The following TMEM117 variants were observed in gnomAD, a reference collection of about 807,000 sequenced individuals.
TMEM117 encodes the protein transmembrane protein 117.
A neutral mutation model predicts 52.4 loss-of-function variants in TMEM117; 27 were observed. That is an observed-to-expected ratio of 0.51 (90% CI 0.38 to 0.71). The LOEUF (loss-of-function observed/expected upper bound fraction) is 0.71, where lower values mean the gene tolerates loss of function less well. Ranked by LOEUF, TMEM117 falls within the 30% of genes least tolerant of loss-of-function variation. The pLI is 0.00. For missense variants in TMEM117, 556 were observed against 630.5 expected (o/e 0.88, Z 1.26); for synonymous variants, 215 against 206.3 (o/e 1.04, Z -0.36).
chr12:44,002,050 A>G (rs972273943), intron 3 of TMEM117, among the ~76,000 whole-genome samples: 16 of 152,102 alleles, frequency 1.1e-4, no homozygotes, highest in African/African-American at 3.4e-4. Context: ...TAAAGAATTC[A>G]GGAGTGAAAC....
At chr12:44,215,451 GC>G (rs1949703026) in intron 5 of TMEM117, among the ~76,000 whole-genome samples, 1 of 151,848 alleles carries the variant, frequency 6.6e-6, no homozygotes. Flanking sequence ...CTCTTCCAAA[GC>G]CCTTTCCGTA....
At chr12:44,396,878 AAG>A in the TMEM117 span, among the ~76,000 whole-genome samples, 1 of 151,846 alleles carries the variant, frequency 6.6e-6, no homozygotes, top group Non-Finnish European at 1.5e-5. Flanking sequence ...AGAAAAGAAA[AAG>A]AATTGACTCA....
chr12:44,133,825 A>G (rs1378621258), intron 3 of TMEM117, among the ~76,000 whole-genome samples: 8 of 152,060 alleles, frequency 5.3e-5, no homozygotes, highest in East Asian at 1.9e-4. Context: ...CCACTTCTAT[A>G]TTATTGGCAA....
intron 4 of TMEM117, among the ~76,000 whole-genome samples, chr12:44,182,387 C>G (rs1039363759): frequency 2.6e-5 from 4 of 152,124 alleles, no homozygotes; most frequent in African/African-American, 9.7e-5. Context: ...ACTTCCAACA[C>G]TATGTTGAAT....
chr12:44,068,273 A>G (rs764958933), intron 3 of TMEM117, among the ~76,000 whole-genome samples: 1 of 152,210 alleles, frequency 6.6e-6, no homozygotes, highest in Non-Finnish European at 1.5e-5. Flanking sequence ...TGTTCACTGT[A>G]GTAACACTTT....
intron 6 of TMEM117, among the ~76,000 whole-genome samples, chr12:44,361,771 C>G (rs1951724246): frequency 6.6e-6 from 1 of 151,954 alleles, no homozygotes; most frequent in Admixed American, 6.6e-5. Flanking sequence ...GGAAAATAGT[C>G]AAGAAGAGTT....
At chr12:44,087,485 G>T (rs1348787355) in intron 3 of TMEM117, among the ~76,000 whole-genome samples, 1 of 151,906 alleles carries the variant, frequency 6.6e-6, no homozygotes, top group Non-Finnish European at 1.5e-5. Flanking sequence ...TATTGAGACA[G>T]AGTCTCACTC....
intron 5 of TMEM117, among the ~76,000 whole-genome samples, chr12:44,218,746 C>A (rs1180746765): frequency 1.3e-5 from 2 of 152,196 alleles, no homozygotes; most frequent in Non-Finnish European, 2.9e-5. Flanking sequence ...GTAGTGAAGT[C>A]TCCTTATAAT....
chr12:44,124,841 A>G (rs1305486815), intron 3 of TMEM117, among the ~76,000 whole-genome samples: 2 of 152,164 alleles, frequency 1.3e-5, no homozygotes, highest in Non-Finnish European at 2.9e-5. Context: ...AATGTTCACC[A>G]AGGATATTGG....
At chr12:44,019,060 G>C (rs1385158187) in intron 3 of TMEM117, among the ~76,000 whole-genome samples, 1 of 152,166 alleles carries the variant, frequency 6.6e-6, no homozygotes, top group Non-Finnish European at 1.5e-5. Flanking sequence ...TAAGTCAGTG[G>C]TTCTCAGCTC....
chr12:44,146,817 C>T (rs76638883), intron 4 of TMEM117, among the ~76,000 whole-genome samples: 1,525 of 152,268 alleles, frequency 0.01, 10 homozygotes, highest in African/African-American at 0.016. Flanking sequence ...CAACTATTTA[C>T]ATTAACAATC....
In TMEM117 at chr12:43,837,374, C is replaced by T. The variant is rs550014999; in HGVS notation, c.-29+1178C>T. ...TCTGTCTTTCTTTCTTTCATGGAGT[C>T]GGGCTCTGTCGCTCAGGCTGGAGTG... On this transcript the variant is annotated intron_variant, in intron 1 of 7. Coordinates refer to ENST00000266534, the MANE Select transcript of TMEM117 (RefSeq NM_032256.3). Among the ~76,000 whole-genome samples the T allele has an allele frequency of 1.9e-3, 288 of 152,110 alleles. 3 individuals carry two copies. The highest frequency in any genetic ancestry group is 6.6e-3 in the African/African-American group (273 of 41,468).
intron 5 of TMEM117, among the ~76,000 whole-genome samples, chr12:44,274,608 A>G (rs1195642979): frequency 6.6e-6 from 1 of 152,174 alleles, no homozygotes; most frequent in East Asian, 1.9e-4. Flanking sequence ...ACACAGACAC[A>G]TAGACCAATG....
At chr12:44,353,056 G>A (rs1290009303) in intron 6 of TMEM117, among the ~76,000 whole-genome samples, 2 of 152,082 alleles carry the variant, frequency 1.3e-5, no homozygotes, top group African/African-American at 2.4e-5. Context: ...GTGATGATGA[G>A]CATTTTTTCA....
Position 44,097,618 on chromosome 12 carries a change from A to G in TMEM117, c.411-45907A>G, listed in dbSNP as rs150966363. The stretch of plus-strand genomic sequence containing the variant: ...TTCTTAGCAAACTATTGCAAGGACA[A>G]AAAACCAAACACCGCATGTTCTCAC... On this transcript the variant is annotated intron_variant, in intron 3 of 7. Transcript: ENST00000266534. Among the ~76,000 whole-genome samples, 287 of 151,614 alleles carry G rather than the reference A, an allele frequency of 1.9e-3. 7 individuals carry two copies. The East Asian group carries it at 0.034, about 18-fold the overall frequency.
At chr12:44,316,971 T>C (rs1056068292) in intron 6 of TMEM117, among the ~76,000 whole-genome samples, 1 of 151,336 alleles carries the variant, frequency 6.6e-6, no homozygotes, top group Non-Finnish European at 1.5e-5. Flanking sequence ...CTTCATTTCC[T>C]GGATTTCTTC....
chr12:43,886,059 T>A (rs1943988814), intron 2 of TMEM117, among the ~76,000 whole-genome samples: 1 of 152,174 alleles, frequency 6.6e-6, no homozygotes, highest in South Asian at 2.1e-4. Context: ...ATATTATATA[T>A]CCCATATGCT....
At chr12:44,152,586 AT>A (rs1188092388) in intron 4 of TMEM117, among the ~76,000 whole-genome samples, 1 of 122,278 alleles carries the variant, frequency 8.2e-6, no homozygotes, top group East Asian at 2.4e-4. Flanking sequence ...TATATATATA[AT>A]ATTTATATCA....
intron 6 of TMEM117, among the ~76,000 whole-genome samples, chr12:44,333,391 A>T (rs1181382956): frequency 6.6e-6 from 1 of 152,008 alleles, no homozygotes; most frequent in Admixed American, 6.6e-5. Context: ...ATACATATTG[A>T]TATGGTTTGG....
Sources: gnomAD v4.1 joint callset for allele counts (sites outside exome capture counted in the v4.1 genomes callset) on GRCh38, gnomAD v4.1.1 for gene constraint, MANE v1.5 for transcripts, NCBI Gene and HGNC (gene_info 2026-07-23, HGNC 2026-07-21) for gene names.